GSC: variants seen among roughly 807,000 people sequenced by gnomAD.
GSC encodes the protein goosecoid homeobox.
Under a neutral mutation model 24.5 loss-of-function variants are expected in GSC, and 13 were observed. The observed-to-expected ratio is 0.53, with a 90% CI of 0.35 to 0.84. GSC has a LOEUF of 0.84. GSC is among the 40% of genes least tolerant of loss of function. The probability of loss-of-function intolerance (pLI) is 0.01; values close to 1 mark genes in which losing one functional copy is unlikely to be tolerated. For missense variants in GSC, 382 were observed against 384.2 expected (o/e 0.99, Z 0.05); for synonymous variants, 199 against 182.1 (o/e 1.09, Z -0.75).
rs747785381 is a variant in GSC, at chr14:94,768,389, G to T, written c.*102C>A. On this transcript the variant is annotated 3_prime_UTR_variant, in exon 3 of 3. Coordinates refer to ENST00000238558, the MANE Select transcript of GSC (RefSeq NM_173849.3). ...TTACAGCTCCTCGTTCCTCTTTCTC[G>T]ACCCCCTCCCGCAAGGCAGCGCGTG... 9.2e-6 allele frequency: 13 copies of T among 1,418,996 alleles called. No individual in the cohort carries two copies. The highest frequency in any genetic ancestry group is 1.3e-5 in the Non-Finnish European group (13 of 1,005,718). 87.9% of individuals were successfully genotyped at this position (1,418,996 alleles called of 1,614,324 possible).
Position 94,769,015 on chromosome 14 carries a change from G to T in GSC, c.558C>A (p.Asp186Glu). The change falls in exon 2 of 3, where the codon GAC (aspartate) becomes GAA (glutamate). Residue 186 changes from aspartate to glutamate, a missense_variant. Physicochemically the swap from Asp to Glu is conservative, Grantham distance 45. Transcript: ENST00000238558. Reference protein sequence around the residue: ...ENLFQETKYPDVGTREQLARK... With the variant: ...ENLFQETKYPEVGTREQLARK... Reference sequence around the variant, plus strand: ...GGGCCAGCTGCTCGCGCGTGCCCACGTCCGGGTACTTGGTCTCCTGGAAGA... The same window carrying T: ...GGGCCAGCTGCTCGCGCGTGCCCACTTCCGGGTACTTGGTCTCCTGGAAGA... 1.3e-6 allele frequency: 2 copies of T among 1,597,130 alleles called. No homozygotes were observed. The highest frequency in any genetic ancestry group is 1.7e-6 in the Non-Finnish European group (2 of 1,172,698).
chr14:94,768,525 T>C lies in GSC; in HGVS notation c.740A>G (p.Glu247Gly). 6.2e-7 allele frequency: 1 copy of C among 1,614,222 alleles called. No individual in the cohort carries two copies. Among genetic ancestry groups the C allele is most frequent in the Non-Finnish European group, 8.5e-7 (1 of 1,180,028 alleles). Residue 247 changes from glutamate to glycine, a missense_variant, in exon 3 of 3, where the codon GAG (glutamate) becomes GGG (glycine). Glu to Gly is a moderately conservative substitution (Grantham distance 98). Transcript: ENST00000238558. ...SSKASPEKRE[E>G]EGKSDLDSDS is the part of the protein sequence containing the mutation. ...CGAGTCCAAATCGCTTTTACCTTCC[T>C]CTTCCCTCTTCTCCGGTGACGCCTT...
Position 94,768,356 on chromosome 14 carries a change from T to C in GSC, c.*135A>G, listed in dbSNP as rs1885210889. The C allele has an allele frequency of 1.6e-6, 2 of 1,215,098 alleles. No homozygotes were observed. The highest frequency in any genetic ancestry group is 1.8e-5 in the Admixed American group (1 of 55,976). The allele number at this position is 1,215,098 out of a possible 1,614,324, so 75.3% of individuals were successfully genotyped here. On this transcript the variant is annotated 3_prime_UTR_variant, in exon 3 of 3. Transcript: ENST00000238558. ...CCAGACGCCGACCCTCCCGGCTCTG[T>C]ACACTATTTACAGCTCCTCGTTCCT...
At chr14:94,768,776 C>T (rs1885221637) in intron 2 of GSC, 127 bp from the exon 3 acceptor site, 2 of 1,411,700 alleles carry the variant, frequency 1.4e-6, no homozygotes, top group South Asian at 2.4e-5. Context: ...GGGAGCCGCT[C>T]GCTCCCGCTT....
Position 94,768,276 on chromosome 14 carries a change from C to A in GSC, c.*215G>T. 1 of 612,260 alleles carries A rather than the reference C, an allele frequency of 1.6e-6. No individual in the cohort carries two copies. The highest frequency in any genetic ancestry group is 2.9e-6 in the Non-Finnish European group (1 of 341,290). The allele number at this position is 612,260 out of a possible 1,614,324, so 37.9% of individuals were successfully genotyped here. A position where few individuals can be genotyped will look rare whatever the true frequency, so the allele number is the denominator to read the frequency against. On this transcript the variant is annotated 3_prime_UTR_variant, in exon 3 of 3. Coordinates refer to ENST00000238558, the MANE Select transcript of GSC (RefSeq NM_173849.3). ...ACCCTTAATTTAACTATAAATACTA[C>A]GGTGGGGGCTAGTCGCGGGCGGCCT... is the stretch of plus-strand genomic sequence containing the variant.
rs771046649 is a variant in GSC, at chr14:94,769,709, C to A, written c.307G>T (p.Val103Leu). ...CACTGCTGGGCGCCCAGCGGCGGCA[C>A]GGCCCCGCAGCAGGCCGGGCCCACG... is the stretch of plus-strand genomic sequence containing the variant. ...APVGPACCGA[V>L]PPLGAQQCSC... The change falls in exon 1 of 3, where the codon GTG (valine) becomes TTG (leucine). Residue 103 changes from valine (V) to leucine (L), a missense_variant. Val to Leu is a conservative substitution (Grantham distance 32). Transcript: ENST00000238558. The A allele has an allele frequency of 1.4e-6, 2 of 1,447,704 alleles. No individual in the cohort carries two copies. Among genetic ancestry groups the A allele is most frequent in the Non-Finnish European group, 1.8e-6 (2 of 1,109,028 alleles). 89.7% of individuals were successfully genotyped at this position (1,447,704 alleles called of 1,614,324 possible).
rs1308354491 is a variant in GSC at position 94,770,032 on chromosome 14, G to A, written c.-17C>T. 8 of 1,541,496 alleles carry A rather than the reference G, an allele frequency of 5.2e-6. No individual in the cohort carries two copies. The highest frequency in any genetic ancestry group is 6.9e-6 in the Non-Finnish European group (8 of 1,151,904). The stretch of plus-strand genomic sequence containing the variant: ...GGCGGGCATCCCCGAGCCCCGCGTC[G>A]GGACCGGGGGGCGGCGGGAACGCGC... On this transcript the variant is annotated 5_prime_UTR_variant, in exon 1 of 3. Coordinates refer to ENST00000238558, the MANE Select transcript of GSC (RefSeq NM_173849.3).
chr14:94,769,961 T>C lies in GSC; in HGVS notation c.55A>G (p.Lys19Glu), dbSNP rs868242635. The C allele has an allele frequency of 6.4e-7, 1 of 1,555,102 alleles. No individual in the cohort carries two copies. ...TGCGCCACCGGCAACACCGAGTCCT[T>C]GCAGCGCGGCCGGGCGGCTAGGATG... ...DNILAARPRC[K>E]DSVLPVAHSA... The change falls in exon 1 of 3, where the codon AAG (lysine) becomes GAG (glutamate). Residue 19 changes from lysine to glutamate, a missense_variant. Lys to Glu is a moderately conservative substitution (Grantham distance 56). Coordinates refer to ENST00000238558, the MANE Select transcript of GSC (RefSeq NM_173849.3).
At position 94,770,023 on chromosome 14, in the gene GSC, C is replaced by T. The variant is rs769916000; in HGVS notation, c.-8G>A. The T allele has an allele frequency of 1.3e-6, 2 of 1,546,970 alleles. No individual in the cohort carries two copies. The highest frequency in any genetic ancestry group is 2.7e-5 in the African/African-American group (2 of 72,854). Reference sequence around the variant, plus strand: ...GAACATGCTGGCGGGCATCCCCGAGCCCCGCGTCGGGACCGGGGGGCGGCG... The same window carrying T: ...GAACATGCTGGCGGGCATCCCCGAGTCCCGCGTCGGGACCGGGGGGCGGCG... On this transcript the variant is annotated 5_prime_UTR_variant, in exon 1 of 3. Transcript: ENST00000238558.
At position 94,768,354 on chromosome 14, in the gene GSC, T is replaced by C; in HGVS notation, c.*137A>G. 6 of 1,200,016 alleles carry C rather than the reference T, an allele frequency of 5.0e-6. No homozygotes were observed. Among genetic ancestry groups the C allele is most frequent in the Non-Finnish European group, 6.1e-6 (5 of 821,102 alleles). 74.3% of individuals were successfully genotyped at this position (1,200,016 alleles called of 1,614,324 possible). On this transcript the variant is annotated 3_prime_UTR_variant, in exon 3 of 3. Coordinates refer to ENST00000238558, the MANE Select transcript of GSC (RefSeq NM_173849.3). The stretch of plus-strand genomic sequence containing the variant: ...CCCCAGACGCCGACCCTCCCGGCTC[T>C]GTACACTATTTACAGCTCCTCGTTC...
chr14:94,768,839 G>T lies in GSC; in HGVS notation c.615+119C>A, dbSNP rs1885223142. The stretch of plus-strand genomic sequence containing the variant: ...TAAAGCGCCCTCCAGCAGCCTGCGG[G>T]CCGCCATCGGGATGTTTTTAAAGTG... On this transcript the variant is annotated intron_variant, in intron 2 of 2. Coordinates refer to ENST00000238558, the MANE Select transcript of GSC (RefSeq NM_173849.3). 7.0e-6 allele frequency: 10 copies of T among 1,435,440 alleles called. No individual in the cohort carries two copies. The South Asian group carries it at 1.2e-4, about 18-fold the overall frequency. The allele number at this position is 1,435,440 out of a possible 1,614,324, so 88.9% of individuals were successfully genotyped here.
chr14:94,769,037 A>T lies in GSC; in HGVS notation c.536T>A (p.Phe179Tyr). 1 of 1,597,438 alleles carries T rather than the reference A, an allele frequency of 6.3e-7. No homozygotes were observed. The highest frequency in any genetic ancestry group is 1.7e-5 in the Admixed American group (1 of 57,812). The change falls in exon 2 of 3, where the codon TTC (phenylalanine) becomes TAC (tyrosine). Residue 179 changes from phenylalanine (F) to tyrosine (Y), a missense_variant. Transcript: ENST00000238558. ...CACGTCCGGGTACTTGGTCTCCTGG[A>T]AGAGGTTCTCGAGAGCTTCGAGCTG... The part of the protein sequence containing the change: ...DEQLEALENL[F>Y]QETKYPDVGT...
intron 1 of GSC, 57 bp from the exon 2 acceptor site, chr14:94,769,274 C>G: frequency 6.5e-7 from 1 of 1,529,316 alleles, no homozygotes; most frequent in Non-Finnish European, 8.8e-7. Context: ...CACGCATGCA[C>G]GCCCGCCAGC....
Position 94,769,964 on chromosome 14 carries a change from A to G in GSC, c.52T>C (p.Cys18Arg), listed in dbSNP as rs1885252832. The change falls in exon 1 of 3, where the codon TGC (cysteine) becomes CGC (arginine). Residue 18 changes from cysteine (C) to arginine (R), a missense_variant. Physicochemically the swap from Cys to Arg is radical, Grantham distance 180 (BLOSUM62 -3). Coordinates refer to ENST00000238558, the MANE Select transcript of GSC (RefSeq NM_173849.3). ...IDNILAARPR[C>R]KDSVLPVAHS... The stretch of plus-strand genomic sequence containing the variant: ...GCCACCGGCAACACCGAGTCCTTGC[A>G]GCGCGGCCGGGCGGCTAGGATGTTG... 6.4e-7 allele frequency: 1 copy of G among 1,556,086 alleles called. No individual in the cohort carries two copies. The highest frequency in any genetic ancestry group is 8.6e-7 in the Non-Finnish European group (1 of 1,159,348).
rs1026972712 is a variant in GSC at position 94,769,672 on chromosome 14, G to C, written c.344C>G (p.Pro115Arg). The C allele has an allele frequency of 3.5e-6, 5 of 1,440,844 alleles. No homozygotes were observed. Among genetic ancestry groups the C allele is most frequent in the African/African-American group, 1.5e-5 (1 of 66,782 alleles). The allele number at this position is 1,440,844 out of a possible 1,614,324, so 89.3% of individuals were successfully genotyped here. The change falls in exon 1 of 3, where the codon CCG becomes CGG. Residue 115 changes from proline to arginine, a missense_variant. Pro to Arg is a moderately radical substitution (Grantham distance 103, BLOSUM62 -2). Transcript: ENST00000238558. ...GAGCGCGACCCTACCTGGGGGCGTC[G>C]GGACGCAGGAGCACTGCTGGGCGCC... ...PLGAQQCSCV[P>R]TPPGYEGPGS...
At position 94,768,383 on chromosome 14, in the gene GSC, T is replaced by C. The variant is rs535902434; in HGVS notation, c.*108A>G. 343 of 1,396,626 alleles carry C rather than the reference T, an allele frequency of 2.5e-4. No homozygotes were observed. The Admixed American group carries it at 3.1e-3, about 13-fold the overall frequency. The allele number at this position is 1,396,626 out of a possible 1,614,324, so 86.5% of individuals were successfully genotyped here. A position where few individuals can be genotyped will look rare whatever the true frequency, so the allele number is the denominator to read the frequency against. The stretch of plus-strand genomic sequence containing the variant: ...CACTATTTACAGCTCCTCGTTCCTC[T>C]TTCTCGACCCCCTCCCGCAAGGCAG... On this transcript the variant is annotated 3_prime_UTR_variant, in exon 3 of 3. Transcript: ENST00000238558.
At chr14:94,769,338 G>A (rs1180283917) in intron 1 of GSC, 121 bp from the exon 2 acceptor site, 2 of 1,327,774 alleles carry the variant, frequency 1.5e-6, no homozygotes, top group African/African-American at 1.5e-5. Flanking sequence ...GAGAATTGGG[G>A]GTGCACGGGA....
chr14:94,768,689 C>T (rs201517530), intron 2 of GSC, 40 bp from the exon 3 acceptor site: 36 of 1,608,480 alleles, frequency 2.2e-5, no homozygotes, highest in Non-Finnish European at 3.0e-5. Flanking sequence ...AGATCAAAGG[C>T]GCGCTTCCCC....
intron 2 of GSC, 149 bp downstream of exon 2, chr14:94,768,809 G>T: frequency 7.3e-7 from 1 of 1,372,212 alleles, no homozygotes; most frequent in Non-Finnish European, 1.0e-6. Flanking sequence ...TCAACTTCCT[G>T]GGCCTAAAGC....
Sources: allele counts gnomAD v4.1 joint callset, GRCh38; gene constraint gnomAD v4.1.1; transcripts MANE v1.5; gene names NCBI Gene and HGNC (gene_info 2026-07-23, HGNC 2026-07-21).